Variants in EPHA6 observed in about 807,000 individuals in gnomAD.
EPHA6 encodes ephrin type-A receptor 6.
EPHA6 carries 50 observed loss-of-function variants against 112.0 expected under a neutral mutation model. The ratio of observed to expected loss-of-function variants is 0.45; its 90% confidence interval spans 0.36 to 0.56. The LOEUF (loss-of-function observed/expected upper bound fraction) is 0.56, where lower values mean the gene tolerates loss of function less well. Among genes scored for constraint, EPHA6 ranks in the 20% least tolerant of loss-of-function variants. The pLI is 0.00. For synonymous variants in EPHA6, 529 were observed against 490.7 expected, an observed-to-expected ratio of 1.08 and a Z score of -1.03; for missense variants, 1,280 against 1,417.4, an observed-to-expected ratio of 0.90 and a Z score of 1.56.
intron 3 of EPHA6, among the ~76,000 whole-genome samples, chr3:97,065,721 G>C (rs576804234): frequency 6.6e-5 from 10 of 152,026 alleles, no homozygotes; most frequent in Admixed American, 2.6e-4. Context: ...CACATTAAAT[G>C]AGTTTATGTC....
chr3:97,594,647 T>A (rs1392398375), intron 12 of EPHA6, among the ~76,000 whole-genome samples: 2 of 152,074 alleles, frequency 1.3e-5, no homozygotes, highest in Non-Finnish European at 2.9e-5. Flanking sequence ...TTTCCCAAGA[T>A]TTTTTTTATA....
intron 3 of EPHA6, among the ~76,000 whole-genome samples, chr3:97,053,893 G>A (rs1329944993): frequency 1.3e-5 from 2 of 151,862 alleles, no homozygotes; most frequent in Non-Finnish European, 2.9e-5. Context: ...TTAGAGAAAC[G>A]CTCAAATTAT....
At chr3:97,572,342 G>A (rs1208026742) in intron 11 of EPHA6, among the ~76,000 whole-genome samples, 1 of 151,826 alleles carries the variant, frequency 6.6e-6, no homozygotes, top group African/African-American at 2.4e-5. Context: ...AGTAGATACA[G>A]GGTTTCATGG....
intron 6 of EPHA6, among the ~76,000 whole-genome samples, chr3:97,440,389 T>C (rs2090074864): frequency 6.6e-6 from 1 of 151,990 alleles, no homozygotes; most frequent in Admixed American, 6.6e-5. Context: ...ATTTCCTCAA[T>C]TGATATAGCA....
At chr3:97,710,771 C>A (rs2033923820) in intron 14 of EPHA6, among the ~76,000 whole-genome samples, 1 of 152,228 alleles carries the variant, frequency 6.6e-6, no homozygotes, top group Non-Finnish European at 1.5e-5. Flanking sequence ...ACATTGCATG[C>A]TGCTTGTCCA....
rs959411476 is a variant in EPHA6 at position 97,213,742 on chromosome 3, T to A, written c.1115-12522T>A. ...CTCAAATTGCTGCTTTGTGTATTCT[T>A]CCTAGATTTTACAGTTAAGCGGGAG... On this transcript the variant is annotated intron_variant, in intron 3 of 17. Coordinates refer to ENST00000389672, the MANE Select transcript of EPHA6 (RefSeq NM_001080448.3). Among the ~76,000 whole-genome samples, 3 of 152,304 alleles carry A rather than the reference T, an allele frequency of 2.0e-5. No homozygotes were observed. In the East Asian group the frequency reaches 5.8e-4, roughly 29 times the overall value.
At chr3:96,862,067 T>C (rs2107433118) in intron 1 of EPHA6, among the ~76,000 whole-genome samples, 1 of 152,086 alleles carries the variant, frequency 6.6e-6, no homozygotes, top group Non-Finnish European at 1.5e-5. Context: ...CTGGATTAAT[T>C]TGATAATCTA....
At chr3:97,431,865 A>G (rs1436015336) in intron 6 of EPHA6, among the ~76,000 whole-genome samples, 1 of 152,152 alleles carries the variant, frequency 6.6e-6, no homozygotes, top group Non-Finnish European at 1.5e-5. Context: ...TGGCAAACAG[A>G]TAGCGGTACC....
At chr3:97,098,158 G>A (rs2108252002) in intron 3 of EPHA6, among the ~76,000 whole-genome samples, 1 of 151,920 alleles carries the variant, frequency 6.6e-6, no homozygotes, top group South Asian at 2.1e-4. Flanking sequence ...TTTGTGAATA[G>A]CAATGCGGCA....
chr3:97,522,695 T>C (rs1241112721), intron 10 of EPHA6, among the ~76,000 whole-genome samples: 3 of 152,078 alleles, frequency 2.0e-5, no homozygotes, highest in Non-Finnish European at 4.4e-5. Context: ...TGATGGGAGA[T>C]TTTTTAGTGT....
At chr3:97,642,608 G>T (rs568683534) in intron 14 of EPHA6, among the ~76,000 whole-genome samples, 21 of 152,216 alleles carry the variant, frequency 1.4e-4, no homozygotes, top group African/African-American at 4.6e-4. Context: ...AGCTGATGGG[G>T]CTGAAAACCA....
intron 3 of EPHA6, among the ~76,000 whole-genome samples, chr3:97,201,809 A>G (rs1054178200): frequency 6.6e-6 from 1 of 152,152 alleles, no homozygotes; most frequent in Non-Finnish European, 1.5e-5. Context: ...GTGCTGTTAT[A>G]TGCAGCAACA....
At chr3:97,349,643 AC>A (rs2083703851) in intron 5 of EPHA6, among the ~76,000 whole-genome samples, 2 of 152,112 alleles carry the variant, frequency 1.3e-5, no homozygotes, top group South Asian at 4.1e-4. Flanking sequence ...TGCCTACCAC[AC>A]AGCCTTCTCT....
intron 3 of EPHA6, among the ~76,000 whole-genome samples, chr3:97,143,345 A>C (rs1387217768): frequency 6.6e-6 from 1 of 151,670 alleles, no homozygotes; most frequent in Non-Finnish European, 1.5e-5. Context: ...TAATAACAGA[A>C]AACTATATGC....
intron 3 of EPHA6, among the ~76,000 whole-genome samples, chr3:97,067,618 G>A (rs2046219144): frequency 1.3e-5 from 2 of 151,844 alleles, no homozygotes; most frequent in African/African-American, 2.4e-5. Context: ...GAGAACCCAA[G>A]CCAAGTGGCA....
intron 15 of EPHA6, among the ~76,000 whole-genome samples, chr3:97,723,965 G>A (rs1374795733): frequency 1.3e-5 from 2 of 152,118 alleles, no homozygotes; most frequent in Non-Finnish European, 1.5e-5. Flanking sequence ...TATCTGTCCT[G>A]CATTTCTCAT....
chr3:97,001,822 A>T (rs796624923), intron 3 of EPHA6, among the ~76,000 whole-genome samples: 54 of 152,148 alleles, frequency 3.5e-4, no homozygotes, highest in African/African-American at 1.2e-3. Flanking sequence ...TTGAGACCGT[A>T]AAAACAAGCT....
At chr3:96,968,779 G>A (rs551026947) in intron 2 of EPHA6, among the ~76,000 whole-genome samples, 3 of 151,882 alleles carry the variant, frequency 2.0e-5, no homozygotes, top group South Asian at 2.1e-4. Context: ...TTTGCTAAGC[G>A]AATGACTATT....
chr3:97,197,229 C>T (rs546619317), intron 3 of EPHA6, among the ~76,000 whole-genome samples: 323 of 152,150 alleles, frequency 2.1e-3, no homozygotes, highest in African/African-American at 7.4e-3. Context: ...CTCCTTTCCT[C>T]AAACAGAAAG....
Sources: gnomAD v4.1 joint callset for allele counts (sites outside exome capture counted in the v4.1 genomes callset) on GRCh38, gnomAD v4.1.1 for gene constraint, MANE v1.5 for transcripts, NCBI Gene and HGNC (gene_info 2026-07-23, HGNC 2026-07-21) for gene names.